Variants in VPS8 observed in about 807,000 individuals in gnomAD.
VPS8 encodes the protein vacuolar protein sorting-associated protein 8 homolog.
In VPS8, 129 loss-of-function variants were observed where a neutral mutation model predicts 216.4. That is an observed-to-expected ratio of 0.60 (90% CI 0.52 to 0.69). VPS8 has a LOEUF of 0.69. Ranked by LOEUF, VPS8 falls within the 30% of genes least tolerant of loss-of-function variation. The pLI is 0.00. For synonymous variants in VPS8, 571 were observed against 565.4 expected (o/e 1.01, Z -0.14); for missense variants, 1,531 against 1,683.5 (o/e 0.91, Z 1.59).
chr3:184,885,206 T>C (rs948027609), intron 21 of VPS8, among the ~76,000 whole-genome samples: 1 of 152,204 alleles, frequency 6.6e-6, no homozygotes, highest in African/African-American at 2.4e-5. Context: ...GGTGTTAGTA[T>C]GTGGAGCTCT....
At chr3:184,825,774 C>T (rs563561516) in intron 2 of VPS8, among the ~76,000 whole-genome samples, 2 of 151,942 alleles carry the variant, frequency 1.3e-5, no homozygotes, top group Admixed American at 6.6e-5. Context: ...TGTGGTGGCA[C>T]GTGCCTGTAC....
At chr3:184,973,538 C>T (rs1748778739) in intron 40 of VPS8, among the ~76,000 whole-genome samples, 1 of 152,170 alleles carries the variant, frequency 6.6e-6, no homozygotes, top group Non-Finnish European at 1.5e-5. Context: ...AAACATTTAT[C>T]ATTTCTTTGT....
At chr3:185,009,332 TATACA>T (rs58571955) in intron 45 of VPS8, among the ~76,000 whole-genome samples, 103,655 of 151,514 alleles carry the variant, frequency 0.68, 38,398 homozygotes, top group East Asian at 0.85. Flanking sequence ...CTAAATCAAC[TATACA>T]ATACCATTTT....
At position 184,849,103 on chromosome 3, in the gene VPS8, A is replaced by G. The variant is rs1183830825; in HGVS notation, c.574A>G (p.Ser192Gly). Residue 192 changes from serine to glycine, a missense_variant, in exon 9 of 48, where the codon AGC (serine) becomes GGC (glycine). Physicochemically the swap from Ser to Gly is moderately conservative, Grantham distance 56. Transcript: ENST00000625842. ...QNQALRLCLGSTSVGGQYGAI... is the reference protein window; with the variant it reads ...QNQALRLCLGGTSVGGQYGAI... ...TCAAGCTTTGCGACTCTGTCTGGGT[A>G]GCACTAGTGTTGGAGGTCAGTATGG... is the stretch of plus-strand genomic sequence containing the variant. 1.2e-6 allele frequency: 2 copies of G among 1,613,474 alleles called. No homozygotes were observed. The highest frequency in any genetic ancestry group is 1.7e-6 in the Non-Finnish European group (2 of 1,179,522).
chr3:184,954,453 A>G (rs996424594), intron 36 of VPS8, among the ~76,000 whole-genome samples: 1 of 152,198 alleles, frequency 6.6e-6, no homozygotes, highest in Non-Finnish European at 1.5e-5. Context: ...CTGACAACCA[A>G]CCAGCCCTTA....
rs890810576 is a variant in VPS8, at chr3:184,971,727, A to G, written c.3395A>G (p.His1132Arg). 8.1e-6 allele frequency: 13 copies of G among 1,613,188 alleles called. No individual in the cohort carries two copies. The highest frequency in any genetic ancestry group is 2.7e-5 in the African/African-American group (2 of 74,930). Residue 1132 changes from histidine (H) to arginine (R), a missense_variant, in exon 40 of 48, where the codon CAT becomes CGT. Transcript: ENST00000625842. ...ETIALCQRNSHNLNQQQREAL... is the reference protein window; with the variant it reads ...ETIALCQRNSRNLNQQQREAL... Reference sequence around the variant, plus strand: ...ATTGCTCTTTGCCAGAGAAATTCACATAATTTGAACCAGCAGCAACGTGAG... The same window carrying G: ...ATTGCTCTTTGCCAGAGAAATTCACGTAATTTGAACCAGCAGCAACGTGAG...
intron 17 of VPS8, 57 bp downstream of exon 17, chr3:184,867,007 A>C: frequency 6.5e-7 from 1 of 1,530,348 alleles, no homozygotes; most frequent in Non-Finnish European, 8.9e-7. Flanking sequence ...GTTGAGGCTG[A>C]AGGAGATTGC....
rs903498851 is a variant in VPS8, at chr3:185,004,889, G to GT, written c.4002+5036dup. ...TAATTAGGTTCCATTTATTTATTTGGTTTTTTTTGTTTTGTTTTTTATTTA... is the reference window on the plus strand; with the variant it reads ...TAATTAGGTTCCATTTATTTATTTGGTTTTTTTTTGTTTTGTTTTTTATTTA... On this transcript the variant is annotated intron_variant, in intron 45 of 47. Coordinates refer to ENST00000625842, the MANE Select transcript of VPS8 (RefSeq NM_001009921.3). 1.7e-4 allele frequency among the ~76,000 whole-genome samples: 26 copies of GT among 148,858 alleles called. No individual in the cohort carries two copies. The East Asian group carries it at 2.9e-3, about 16-fold the overall frequency.
chr3:184,985,434 T>C (rs555613755), intron 42 of VPS8, among the ~76,000 whole-genome samples: 1 of 152,360 alleles, frequency 6.6e-6, no homozygotes, highest in South Asian at 2.1e-4. Flanking sequence ...ATGAAAGGCA[T>C]AGTTCTGAAC....
At chr3:185,034,854 C>T (rs777459847) in intron 46 of VPS8, among the ~76,000 whole-genome samples, 4 of 152,000 alleles carry the variant, frequency 2.6e-5, no homozygotes, top group Non-Finnish European at 5.9e-5. Flanking sequence ...AAACCACTAG[C>T]TAGGTTAACA....
chr3:184,856,030 T>A (rs1039263947), intron 14 of VPS8, among the ~76,000 whole-genome samples: 1 of 152,212 alleles, frequency 6.6e-6, no homozygotes, highest in Non-Finnish European at 1.5e-5. Flanking sequence ...TCAGCTTCAT[T>A]TCTTTGACTG....
chr3:184,895,701 G>A (rs796593442), intron 23 of VPS8, among the ~76,000 whole-genome samples: 5 of 121,510 alleles, frequency 4.1e-5, no homozygotes, highest in African/African-American at 1.6e-4. Context: ...GTACAGTGGC[G>A]TGATCTTGGT....
intron 1 of VPS8, among the ~76,000 whole-genome samples, chr3:184,814,240 A>G (rs7625123): frequency 0.18 from 27,621 of 152,216 alleles, 4,653 homozygotes; most frequent in African/African-American, 0.45. Context: ...TCACTATATC[A>G]CTAAATCCAG....
chr3:185,020,810 C>A (rs146386749), intron 45 of VPS8, among the ~76,000 whole-genome samples: 1 of 152,192 alleles, frequency 6.6e-6, no homozygotes, highest in East Asian at 1.9e-4. Context: ...TGGTGGCTCA[C>A]GCCTGTAATT....
intron 3 of VPS8, among the ~76,000 whole-genome samples, chr3:184,826,756 C>G (rs1718875981): frequency 6.6e-6 from 1 of 152,238 alleles, no homozygotes; most frequent in Admixed American, 6.5e-5. Flanking sequence ...TAAAGAACAT[C>G]TTGCAACCTT....
In VPS8 at chr3:184,940,468, A is replaced by G. The variant is rs150730764; in HGVS notation, c.3035+225A>G. ...TCTTTCCATTTGAACATGAGCATAT[A>G]TGGTGAGTTCTCATGGGTGTAAATA... On this transcript the variant is annotated intron_variant, in intron 36 of 47. Transcript: ENST00000625842. 8.8e-3 allele frequency among the ~76,000 whole-genome samples: 1,334 copies of G among 152,238 alleles called. 20 individuals carry two copies. The highest frequency in any genetic ancestry group is 0.025 in the African/African-American group (1,034 of 41,558).
chr3:184,959,649 T>C (rs1746164942), intron 37 of VPS8, among the ~76,000 whole-genome samples: 1 of 152,146 alleles, frequency 6.6e-6, no homozygotes, highest in Non-Finnish European at 1.5e-5. Context: ...ATTATTCTTA[T>C]TTTTCTTAAT....
chr3:184,992,112 C>G (rs1215868344), intron 42 of VPS8, among the ~76,000 whole-genome samples: 1 of 152,104 alleles, frequency 6.6e-6, no homozygotes, highest in Admixed American at 6.6e-5. Flanking sequence ...CACTGAAAAC[C>G]AATCTTAGTT....
At chr3:184,977,953 A>T (rs1334946114) in intron 40 of VPS8, among the ~76,000 whole-genome samples, 4 of 149,936 alleles carry the variant, frequency 2.7e-5, no homozygotes, top group African/African-American at 9.8e-5. Flanking sequence ...TCATAGAATA[A>T]GTCAGGGAGG....
Sources: allele counts gnomAD v4.1 joint callset (sites outside exome capture counted in the v4.1 genomes callset), GRCh38; gene constraint gnomAD v4.1.1; transcripts MANE v1.5; gene names NCBI Gene and HGNC (gene_info 2026-07-23, HGNC 2026-07-21).